Variants in GLI2 observed in about 807,000 individuals in gnomAD.
GLI2 encodes the protein transcription activator GLI2.
Under a neutral mutation model 78.9 loss-of-function variants are expected in GLI2, and 22 were observed. The ratio of observed to expected loss-of-function variants is 0.28; its 90% CI spans 0.20 to 0.40. GLI2 has a LOEUF of 0.40. Ranked by LOEUF, GLI2 falls within the 10% of genes least tolerant of loss-of-function variation. GLI2 has a pLI of 1.00. For synonymous variants in GLI2, 974 were observed against 963.7 expected (o/e 1.01, Z -0.20); for missense variants, 2,097 against 2,213.2 (o/e 0.95, Z 1.05).
At chr2:120,987,408 C>T (rs1281424047) in intron 13 of GLI2, among the ~76,000 whole-genome samples, 1 of 152,192 alleles carries the variant, frequency 6.6e-6, no homozygotes, top group Non-Finnish European at 1.5e-5. Context: ...CCCTTCCCAG[C>T]AGCCCCGCAT....
In GLI2 at chr2:120,951,013, G is replaced by A. The variant is rs60613333; in HGVS notation, c.255-230G>A. Reference sequence around the variant, plus strand: ...ATTCTCCAGCGTGGAACTGGCCGGCGGGTGCACGCACCAGCGTGGAGCTTT... The same window carrying A: ...ATTCTCCAGCGTGGAACTGGCCGGCAGGTGCACGCACCAGCGTGGAGCTTT... On this transcript the variant is annotated intron_variant, in intron 3 of 13. Coordinates refer to ENST00000361492, the MANE Select transcript of GLI2 (RefSeq NM_001374353.1). Among the ~76,000 whole-genome samples the A allele has an allele frequency of 0.096, 14,671 of 152,208 alleles. 2,272 individuals are homozygous for A. The highest frequency in any genetic ancestry group is 0.33 in the African/African-American group (13,621 of 41,480).
chr2:120,773,808 A>T (rs552234649), intron 1 of GLI2, among the ~76,000 whole-genome samples: 58 of 152,188 alleles, frequency 3.8e-4, no homozygotes, highest in African/African-American at 1.4e-3. Context: ...GATGTGCTTC[A>T]GCGGTGTTGG....
intron 1 of GLI2, among the ~76,000 whole-genome samples, chr2:120,738,758 A>G (rs1682441572): frequency 6.6e-6 from 1 of 152,230 alleles, no homozygotes; most frequent in Non-Finnish European, 1.5e-5. Flanking sequence ...AGATGGTTTT[A>G]TCCTCTGTGG....
chr2:120,962,809 G>T (rs551715060), intron 5 of GLI2, among the ~76,000 whole-genome samples: 107 of 152,280 alleles, frequency 7.0e-4, no homozygotes, highest in African/African-American at 2.2e-3. Flanking sequence ...CTCTTGTTAG[G>T]GGCACATGAG....
At chr2:120,791,300 C>T (rs749849915) in intron 1 of GLI2, among the ~76,000 whole-genome samples, 9 of 152,134 alleles carry the variant, frequency 5.9e-5, no homozygotes, top group Non-Finnish European at 1.2e-4. Flanking sequence ...AGTCAGAGCC[C>T]GCTTTGCTCC....
chr2:120,896,638 T>TACACAC (rs149519455), intron 2 of GLI2, among the ~76,000 whole-genome samples: 2,333 of 119,394 alleles, frequency 0.02, 26 homozygotes, highest in Non-Finnish European at 0.027. Context: ...AAAACACACA[T>TACACAC]ACACACACAC....
chr2:120,972,066 A>G lies in GLI2; in HGVS notation c.1182+3A>G. On this transcript the variant is annotated splice_donor_region_variant and intron_variant, in intron 8 of 13. Coordinates refer to ENST00000361492, the MANE Select transcript of GLI2 (RefSeq NM_001374353.1). ...CCTCCCCTCTGGCGCTGACGCAGGT[A>G]ACCTGCTGCCAGCCGCACCACCTTC... 2 of 1,612,932 alleles carry G rather than the reference A, an allele frequency of 1.2e-6. No homozygotes were observed. The highest frequency in any genetic ancestry group is 2.7e-5 in the African/African-American group (2 of 75,060).
chr2:120,876,519 C>G (rs1688755995), intron 2 of GLI2, among the ~76,000 whole-genome samples: 1 of 152,026 alleles, frequency 6.6e-6, no homozygotes, highest in Non-Finnish European at 1.5e-5. Context: ...CAAATCTCAC[C>G]AGGAGGAAGA....
At chr2:120,741,926 C>T (rs1682559131) in intron 1 of GLI2, among the ~76,000 whole-genome samples, 1 of 152,212 alleles carries the variant, frequency 6.6e-6, no homozygotes, top group South Asian at 2.1e-4. Flanking sequence ...CCCACAGCCG[C>T]GCCCGGAGCG....
At chr2:120,837,792 T>G (rs1686687907) in intron 2 of GLI2, among the ~76,000 whole-genome samples, 1 of 152,246 alleles carries the variant, frequency 6.6e-6, no homozygotes, top group Admixed American at 6.5e-5. Context: ...AACTGTCACA[T>G]GTCAATTTTC....
chr2:120,881,402 A>G, intron 2 of GLI2, among the ~76,000 whole-genome samples: 1 of 133,810 alleles, frequency 7.5e-6, no homozygotes, highest in East Asian at 2.5e-4. Context: ...AGGTGGGGGG[A>G]GGACAGGTGA....
In GLI2 at chr2:120,982,868, C is replaced by A; in HGVS notation, c.1620C>A (p.Thr540=). 1 of 1,613,962 alleles carries A rather than the reference C, an allele frequency of 6.2e-7. No homozygotes were observed. Among genetic ancestry groups the A allele is most frequent in the Non-Finnish European group, 8.5e-7 (1 of 1,179,924 alleles). Residue 540 remains threonine (T), a synonymous_variant, in exon 11 of 14, where the codon ACC becomes ACA. Coordinates refer to ENST00000361492, the MANE Select transcript of GLI2 (RefSeq NM_001374353.1). ...ACCGCGCCAAGCACCAGAATCGCAC[C>A]CACTCCAACGAGGTACCTCTGCGGG... ...ASDRAKHQNR[T]HSNEKPYICK...
chr2:120,984,886 C>A, intron 12 of GLI2, 143 bp downstream of exon 12: 1 of 817,838 alleles, frequency 1.2e-6, no homozygotes, highest in Non-Finnish European at 2.0e-6. Flanking sequence ...CTTGGCTTTC[C>A]CCCTTCACCA....
intron 2 of GLI2, among the ~76,000 whole-genome samples, chr2:120,900,667 T>C (rs1386554990): frequency 2.0e-5 from 3 of 152,246 alleles, no homozygotes; most frequent in African/African-American, 7.2e-5. Flanking sequence ...CATTATTTGC[T>C]GTCTTCTTCT....
intron 5 of GLI2, 40 bp downstream of exon 5, chr2:120,955,470 G>A (rs1296790885): frequency 2.3e-6 from 3 of 1,287,314 alleles, no homozygotes; most frequent in Admixed American, 4.5e-5. Flanking sequence ...GGGGCTAGCA[G>A]ATCTCCTCTT....
At chr2:120,895,428 T>G (rs1002871875) in intron 2 of GLI2, among the ~76,000 whole-genome samples, 1 of 152,144 alleles carries the variant, frequency 6.6e-6, no homozygotes, top group Admixed American at 6.5e-5. Flanking sequence ...CAGGGCTGGA[T>G]GCAGTGGCTC....
At chr2:120,785,112 A>G (rs1385567581) in intron 1 of GLI2, among the ~76,000 whole-genome samples, 2 of 152,088 alleles carry the variant, frequency 1.3e-5, no homozygotes, top group Non-Finnish European at 2.9e-5. Flanking sequence ...AGACCACATT[A>G]TTGGATCCGG....
At chr2:120,940,468 A>G (rs569064964) in intron 3 of GLI2, among the ~76,000 whole-genome samples, 2 of 152,264 alleles carry the variant, frequency 1.3e-5, no homozygotes, top group East Asian at 3.9e-4. Flanking sequence ...TTCTCTTATA[A>G]GAGTCTGGGC....
At chr2:120,982,655 C>T in intron 10 of GLI2, 61 bp from the exon 11 acceptor site, 1 of 1,464,180 alleles carries the variant, frequency 6.8e-7, no homozygotes. Flanking sequence ...GAGGAAGCAG[C>T]AGCCGGCCTC....
Sources: allele counts gnomAD v4.1 joint callset (sites outside exome capture counted in the v4.1 genomes callset), GRCh38; gene constraint gnomAD v4.1.1; transcripts MANE v1.5; gene names NCBI Gene and HGNC (gene_info 2026-07-23, HGNC 2026-07-21).